Variants in DSCC1 observed in about 807,000 individuals in gnomAD.
The protein encoded by DSCC1 is DNA replication and sister chromatid cohesion 1.
A neutral mutation model predicts 48.2 loss-of-function variants in DSCC1; 32 were observed. The observed-to-expected ratio is 0.66, with a 90% CI of 0.50 to 0.89. The LOEUF (loss-of-function observed/expected upper bound fraction) is 0.89, where lower values mean the gene tolerates loss of function less well. Ranked by LOEUF, DSCC1 falls within the 40% of genes least tolerant of loss-of-function variation. The pLI, the probability that DSCC1 is intolerant of heterozygous loss-of-function variation, is 0.00. For synonymous variants in DSCC1, 150 were observed against 171.5 expected, an observed-to-expected ratio of 0.87 and a Z score of 0.98; for missense variants, 421 against 471.7, an observed-to-expected ratio of 0.89 and a Z score of 1.00.
intron 8 of DSCC1, among the ~76,000 whole-genome samples, chr8:119,836,720 G>A (rs893410480): frequency 6.6e-6 from 1 of 152,030 alleles, no homozygotes; most frequent in African/African-American, 2.4e-5. Flanking sequence ...AAAAGGGCAA[G>A]TATGAAGATG....
chr8:119,843,513 ATGAT>A (rs1327942107), intron 5 of DSCC1, 92 bp downstream of exon 5: 1 of 1,446,790 alleles, frequency 6.9e-7, no homozygotes, highest in Non-Finnish European at 9.3e-7. Flanking sequence ...TCAAAATACA[ATGAT>A]TGTAGTTTAT....
At chr8:119,854,981 T>A (rs1826995028) in intron 1 of DSCC1, among the ~76,000 whole-genome samples, 1 of 152,180 alleles carries the variant, frequency 6.6e-6, no homozygotes, top group Non-Finnish European at 1.5e-5. Flanking sequence ...GAGCTCCCTA[T>A]TTTGCAGGAG....
intron 7 of DSCC1, among the ~76,000 whole-genome samples, chr8:119,840,881 CA>C (rs1309148989): frequency 6.6e-6 from 1 of 151,590 alleles, no homozygotes; most frequent in Non-Finnish European, 1.5e-5. Flanking sequence ...CACTGCACTC[CA>C]GCCTGGGTGA....
chr8:119,834,977 G>A lies in DSCC1; in HGVS notation c.1098C>T (p.Thr366=), dbSNP rs778669565. The change falls in exon 9 of 9, where the codon ACC becomes ACT. Residue 366 remains threonine (T), a synonymous_variant. Transcript: ENST00000313655. ...YIQDLCGEKQ[T]IGALLTKYSH... is the part of the protein sequence containing the mutation. ...AATATTTAGTGAGTAATGCACCTAT[G>A]GTTTGCTTCTCTCCACACAAATCTC... 6.2e-7 allele frequency: 1 copy of A among 1,605,260 alleles called. No individual in the cohort carries two copies. Among genetic ancestry groups the A allele is most frequent in the Non-Finnish European group, 8.5e-7 (1 of 1,175,984 alleles).
intron 6 of DSCC1, 44 bp from the exon 7 acceptor site, chr8:119,841,992 T>C (rs1471538736): frequency 9.5e-6 from 15 of 1,577,094 alleles, no homozygotes; most frequent in Non-Finnish European, 5.2e-6. Flanking sequence ...CATCTTACAA[T>C]TAAATATTAT....
chr8:119,841,735 T>G, intron 7 of DSCC1, 59 bp downstream of exon 7: 1 of 1,574,574 alleles, frequency 6.4e-7, no homozygotes, highest in Non-Finnish European at 8.7e-7. Context: ...AACTCAAGTA[T>G]CATTCACCTA....
chr8:119,840,745 C>G (rs1826755350), intron 7 of DSCC1, among the ~76,000 whole-genome samples: 2 of 151,910 alleles, frequency 1.3e-5, no homozygotes. Flanking sequence ...AACCCCGTCT[C>G]TACTAAGCAT....
At chr8:119,844,108 T>G (rs560268172) in intron 4 of DSCC1, among the ~76,000 whole-genome samples, 1 of 151,946 alleles carries the variant, frequency 6.6e-6, no homozygotes. Flanking sequence ...AGCTAATAGA[T>G]TGACAAAGTC....
At chr8:119,844,785 C>A (rs1490268156) in intron 4 of DSCC1, among the ~76,000 whole-genome samples, 1 of 152,118 alleles carries the variant, frequency 6.6e-6, no homozygotes, top group African/African-American at 2.4e-5. Flanking sequence ...AGGAAATCTG[C>A]AGTTGGTACA....
chr8:119,837,314 G>A (rs577827526), intron 8 of DSCC1, among the ~76,000 whole-genome samples: 1 of 152,170 alleles, frequency 6.6e-6, no homozygotes, highest in Non-Finnish European at 1.5e-5. Flanking sequence ...TTGGCCTTAG[G>A]AGCAGGGACA....
At chr8:119,836,040 C>T (rs1047791027) in intron 8 of DSCC1, among the ~76,000 whole-genome samples, 29 of 152,296 alleles carry the variant, frequency 1.9e-4, no homozygotes, top group Admixed American at 6.5e-4. Context: ...TGGCCGGGCG[C>T]GGCGGCTCAT....
At chr8:119,844,906 T>C (rs920505893) in intron 4 of DSCC1, among the ~76,000 whole-genome samples, 1 of 152,102 alleles carries the variant, frequency 6.6e-6, no homozygotes, top group Admixed American at 6.6e-5. Context: ...AGAGCTATCT[T>C]GCAGAGGCAT....
At chr8:119,845,791 A>C (rs932163898) in intron 4 of DSCC1, among the ~76,000 whole-genome samples, 1 of 152,018 alleles carries the variant, frequency 6.6e-6, no homozygotes, top group Non-Finnish European at 1.5e-5. Context: ...TCTACCAAAA[A>C]CACAAAAATT....
In DSCC1 at chr8:119,855,556, C is replaced by T. The variant is rs542262278; in HGVS notation, c.182+58G>A. On this transcript the variant is annotated intron_variant, in intron 1 of 8. Transcript: ENST00000313655. ...CCTGTTTTCTTATCCCGACTTTCCCCGCTGAGAAAATAACGTGGCCGGCCA... is the reference window on the plus strand; with the variant it reads ...CCTGTTTTCTTATCCCGACTTTCCCTGCTGAGAAAATAACGTGGCCGGCCA... 5,375 of 1,505,258 alleles carry T rather than the reference C, an allele frequency of 3.6e-3. 34 individuals carry two copies. Among genetic ancestry groups the T allele is most frequent in the Middle Eastern group, 0.015 (69 of 4,702 alleles). 93.2% of individuals were successfully genotyped at this position (1,505,258 alleles called of 1,614,324 possible).
intron 8 of DSCC1, among the ~76,000 whole-genome samples, chr8:119,835,798 C>T (rs1826672356): frequency 1.3e-5 from 2 of 152,112 alleles, no homozygotes; most frequent in South Asian, 4.1e-4. Flanking sequence ...GCTTCCTGAA[C>T]TTTGGTTTCC....
chr8:119,852,417 G>A (rs1022481772), intron 2 of DSCC1, among the ~76,000 whole-genome samples: 92 of 152,220 alleles, frequency 6.0e-4, no homozygotes, highest in African/African-American at 2.1e-3. Flanking sequence ...GCAGTGGCGT[G>A]ATCTCGGCTC....
intron 3 of DSCC1, 117 bp from the exon 4 acceptor site, chr8:119,847,197 T>C (rs1826869800): frequency 6.5e-6 from 5 of 769,370 alleles, no homozygotes; most frequent in Middle Eastern, 3.8e-4. Context: ...ATGCACTAGC[T>C]CAGTTTCTTT....
intron 8 of DSCC1, among the ~76,000 whole-genome samples, chr8:119,835,916 C>G (rs1826674363): frequency 6.6e-6 from 1 of 152,186 alleles, no homozygotes; most frequent in Admixed American, 6.5e-5. Context: ...CACGTAGAAC[C>G]TTGAAGGACA....
chr8:119,853,409 C>G (rs1006274145), intron 1 of DSCC1, among the ~76,000 whole-genome samples, 194 bp from the exon 2 acceptor site: 27 of 152,174 alleles, frequency 1.8e-4, no homozygotes, highest in African/African-American at 6.5e-4. Context: ...AGACGCCCCA[C>G]CCAGAGCCTC....
Sources: gnomAD v4.1 joint callset for allele counts (sites outside exome capture counted in the v4.1 genomes callset) on GRCh38, gnomAD v4.1.1 for gene constraint, MANE v1.5 for transcripts, NCBI Gene and HGNC (gene_info 2026-07-23, HGNC 2026-07-21) for gene names.